The following TNFSF4 variants were observed in gnomAD, a reference collection of about 807,000 sequenced individuals.
TNFSF4 encodes the protein TNF superfamily member 4, also known as tumor necrosis factor ligand superfamily member 4.
Under a neutral mutation model 7.3 loss-of-function variants are expected in TNFSF4, and 4 were observed. The observed-to-expected ratio is 0.55, with a 90% confidence interval of 0.27 to 1.25. The LOEUF is 1.25. Among genes scored for constraint, TNFSF4 ranks in the 50% most tolerant of loss-of-function variants. TNFSF4 has a pLI of 0.12. For synonymous variants in TNFSF4, 76 were observed against 83.7 expected (o/e 0.91, Z 0.50); for missense variants, 181 against 208.8 (o/e 0.87, Z 0.82).
At position 173,207,039 on chromosome 1, in the gene TNFSF4, G is replaced by A; in HGVS notation, c.138C>T (p.His46=). 6.2e-7 allele frequency: 1 copy of A among 1,612,516 alleles called. No individual in the cohort carries two copies. The highest frequency in any genetic ancestry group is 8.5e-7 in the Non-Finnish European group (1 of 1,179,138). ...TGCATCTTACCTGAAGAGCAGAGAA[G>A]TGCAGGCAGATGTAGGTGAAGCACA... ...LLLCFTYICL[H]FSALQVSHRY... The change falls in exon 1 of 3, where the codon CAC becomes CAT. Residue 46 remains histidine, a synonymous_variant. Coordinates refer to ENST00000281834, the MANE Select transcript of TNFSF4 (RefSeq NM_003326.5).
chr1:173,340,982 T>C, the TNFSF4 span, among the ~76,000 whole-genome samples: 30 of 152,264 alleles, frequency 2.0e-4, no homozygotes, highest in South Asian at 1.7e-3. Context: ...CTCCATACTG[T>C]TCTCGTGATA....
At chr1:173,392,412 C>A in the TNFSF4 span, among the ~76,000 whole-genome samples, 3 of 152,098 alleles carry the variant, frequency 2.0e-5, no homozygotes, top group East Asian at 1.9e-4. Flanking sequence ...ATCCCTACCC[C>A]CAAACAACTC....
At chr1:173,382,522 T>G in the TNFSF4 span, among the ~76,000 whole-genome samples, 2 of 152,222 alleles carry the variant, frequency 1.3e-5, no homozygotes, top group Non-Finnish European at 2.9e-5. Context: ...TGTATACCTA[T>G]GTAACAAACC....
the TNFSF4 span, among the ~76,000 whole-genome samples, chr1:173,212,578 C>CAA: frequency 4.1e-5 from 3 of 73,460 alleles, no homozygotes; most frequent in African/African-American, 1.0e-4. Flanking sequence ...TTAGTGGGTA[C>CAA]AAAAAAAAAA....
chr1:173,292,332 T>C, the TNFSF4 span, among the ~76,000 whole-genome samples: 1 of 152,080 alleles, frequency 6.6e-6, no homozygotes, highest in Non-Finnish European at 1.5e-5. Flanking sequence ...GTTCAACATA[T>C]GCAAATCAAT....
the TNFSF4 span, among the ~76,000 whole-genome samples, chr1:173,225,453 C>T: frequency 2.0e-5 from 3 of 152,186 alleles, no homozygotes; most frequent in African/African-American, 7.2e-5. Flanking sequence ...TTTCTCTACA[C>T]GTGTGTATGC....
chr1:173,196,586 T>C (rs1248019440), intron 1 of TNFSF4, among the ~76,000 whole-genome samples: 1 of 152,190 alleles, frequency 6.6e-6, no homozygotes, highest in Non-Finnish European at 1.5e-5. Flanking sequence ...CCTCTCTGTT[T>C]CAGAGAGAGC....
At chr1:173,180,843 C>T (rs1174494082), downstream of TNFSF4, among the ~76,000 whole-genome samples, 1 of 152,156 alleles carries the variant, frequency 6.6e-6, no homozygotes, top group African/African-American at 2.4e-5. Flanking sequence ...GAACAATAGA[C>T]ATGATAGCAA....
chr1:173,309,070 C>A, the TNFSF4 span, among the ~76,000 whole-genome samples: 1 of 151,880 alleles, frequency 6.6e-6, no homozygotes, highest in Non-Finnish European at 1.5e-5. Context: ...TGGGGTGGGG[C>A]ATATATAGGT....
chr1:173,266,085 A>G, the TNFSF4 span, among the ~76,000 whole-genome samples: 4 of 152,312 alleles, frequency 2.6e-5, no homozygotes, highest in East Asian at 1.9e-4. Context: ...AAAGATAATC[A>G]TTAATGAATG....
chr1:173,324,266 C>T, the TNFSF4 span, among the ~76,000 whole-genome samples: 2 of 152,166 alleles, frequency 1.3e-5, no homozygotes, highest in Non-Finnish European at 2.9e-5. Flanking sequence ...CCGAACCAAA[C>T]TTCATAAGTG....
chr1:173,290,982 G>A, the TNFSF4 span, among the ~76,000 whole-genome samples: 1 of 152,062 alleles, frequency 6.6e-6, no homozygotes, highest in African/African-American at 2.4e-5. Context: ...AATGACTTTT[G>A]GATAAAGAAC....
chr1:173,364,464 G>C, the TNFSF4 span, among the ~76,000 whole-genome samples: 3 of 150,600 alleles, frequency 2.0e-5, no homozygotes, highest in African/African-American at 7.3e-5. Flanking sequence ...GAAAAAGTGT[G>C]AAGAAAAAAA....
chr1:173,229,244 C>G, the TNFSF4 span, among the ~76,000 whole-genome samples: 1 of 152,304 alleles, frequency 6.6e-6, no homozygotes, highest in South Asian at 2.1e-4. Context: ...TCAGCAGAAA[C>G]AATACAAGCC....
chr1:173,396,757 G>A, the TNFSF4 span, among the ~76,000 whole-genome samples: 3 of 152,178 alleles, frequency 2.0e-5, no homozygotes, highest in South Asian at 4.1e-4. Flanking sequence ...AGGGTTTAGG[G>A]AAATTGGAAT....
chr1:173,321,987 T>G, the TNFSF4 span, among the ~76,000 whole-genome samples: 1 of 152,214 alleles, frequency 6.6e-6, no homozygotes, highest in Non-Finnish European at 1.5e-5. Flanking sequence ...GGATTATAAA[T>G]CATTCTGCTA....
At chr1:173,285,661 G>GTTTC in the TNFSF4 span, among the ~76,000 whole-genome samples, 4 of 152,146 alleles carry the variant, frequency 2.6e-5, no homozygotes, top group Non-Finnish European at 5.9e-5. Context: ...ATCCAGGCAA[G>GTTTC]TTTCTCTACC....
the TNFSF4 span, among the ~76,000 whole-genome samples, chr1:173,334,598 A>T: frequency 7.2e-5 from 11 of 152,184 alleles, no homozygotes; most frequent in African/African-American, 2.7e-4. Flanking sequence ...TAGGCTGTCT[A>T]CTGTTAAAAT....
the TNFSF4 span, among the ~76,000 whole-genome samples, chr1:173,217,910 G>A: frequency 6.6e-6 from 1 of 151,960 alleles, no homozygotes; most frequent in African/African-American, 2.4e-5. Context: ...ACCATGTACA[G>A]CTAATTTTTT....
Sources: gnomAD v4.1 joint callset for allele counts (sites outside exome capture counted in the v4.1 genomes callset) on GRCh38, gnomAD v4.1.1 for gene constraint, MANE v1.5 for transcripts, NCBI Gene and HGNC (gene_info 2026-07-23, HGNC 2026-07-21) for gene names.